PLXNA4: variants seen among roughly 807,000 people sequenced by gnomAD.
PLXNA4 encodes the protein plexin-A4.
A neutral mutation model predicts 191.8 loss-of-function variants in PLXNA4; 44 were observed. The ratio of observed to expected loss-of-function variants is 0.23; its 90% confidence interval spans 0.18 to 0.29. The LOEUF (loss-of-function observed/expected upper bound fraction) is 0.29, where lower values mean the gene tolerates loss of function less well. PLXNA4 is among the 10% of genes least tolerant of loss of function. The probability of loss-of-function intolerance (pLI) is 1.00; values close to 1 mark genes in which losing one functional copy is unlikely to be tolerated. For synonymous variants in PLXNA4, 1,082 were observed against 1,009.5 expected (o/e 1.07, Z -1.36); for missense variants, 1,800 against 2,488.8 (o/e 0.72, Z 5.89).
chr7:132,329,079 G>A (rs1449772863), intron 3 of PLXNA4, among the ~76,000 whole-genome samples: 3 of 152,224 alleles, frequency 2.0e-5, no homozygotes, highest in Non-Finnish European at 2.9e-5. Flanking sequence ...CCCTCTAAGG[G>A]TGGAGCTCAA....
chr7:132,260,482 A>C (rs1332861702), intron 4 of PLXNA4, among the ~76,000 whole-genome samples: 1 of 152,160 alleles, frequency 6.6e-6, no homozygotes, highest in African/African-American at 2.4e-5. Flanking sequence ...CATAAAGATA[A>C]AGACGGGAAC....
chr7:132,577,610 G>A (rs1250214784), upstream of PLXNA4, among the ~76,000 whole-genome samples: 1 of 152,070 alleles, frequency 6.6e-6, no homozygotes, highest in Non-Finnish European at 1.5e-5. Flanking sequence ...AACGTTTGCC[G>A]ACACCCCCCT....
At chr7:132,517,017 G>A (rs181922194) in intron 1 of PLXNA4, among the ~76,000 whole-genome samples, 3 of 152,248 alleles carry the variant, frequency 2.0e-5, no homozygotes, top group African/African-American at 2.4e-5. Context: ...TCTTCTAGAG[G>A]CCCCTCTAGC....
chr7:132,249,499 G>A (rs746566503), intron 4 of PLXNA4, among the ~76,000 whole-genome samples: 1 of 152,196 alleles, frequency 6.6e-6, no homozygotes, highest in Non-Finnish European at 1.5e-5. Context: ...TCTGCAGAGC[G>A]TCGAGAAATC....
At chr7:132,262,812 T>A (rs1033812847) in intron 4 of PLXNA4, among the ~76,000 whole-genome samples, 1 of 151,578 alleles carries the variant, frequency 6.6e-6, no homozygotes, top group Non-Finnish European at 1.5e-5. Context: ...GTCTAAGGGG[T>A]CAAAACATCA....
At chr7:132,554,179 A>G (rs1800689587) in intron 1 of PLXNA4, among the ~76,000 whole-genome samples, 1 of 152,226 alleles carries the variant, frequency 6.6e-6, no homozygotes, top group South Asian at 2.1e-4. Flanking sequence ...TATCTGAAAC[A>G]CAGGCTGTTC....
chr7:132,214,414 G>T (rs1797900290), intron 9 of PLXNA4, among the ~76,000 whole-genome samples: 1 of 152,126 alleles, frequency 6.6e-6, no homozygotes, highest in Non-Finnish European at 1.5e-5. Flanking sequence ...TAACTGGAGA[G>T]GCCCAGGGCT....
intron 13 of PLXNA4, among the ~76,000 whole-genome samples, chr7:132,197,097 C>T (rs567457909): frequency 6.6e-5 from 10 of 152,096 alleles, no homozygotes; most frequent in South Asian, 2.1e-4. Context: ...TTATAATTTC[C>T]TCTGTTGCTG....
intron 29 of PLXNA4, among the ~76,000 whole-genome samples, chr7:132,141,076 T>C (rs1483322589): frequency 6.6e-6 from 1 of 152,214 alleles, no homozygotes; most frequent in African/African-American, 2.4e-5. Context: ...GAGGACTTGA[T>C]ACCCAGCCTT....
At chr7:132,242,283 T>C (rs1798907554) in intron 4 of PLXNA4, among the ~76,000 whole-genome samples, 1 of 152,172 alleles carries the variant, frequency 6.6e-6, no homozygotes, top group Admixed American at 6.5e-5. Flanking sequence ...TTTCTTGCCA[T>C]CATACAACAG....
At chr7:132,587,619 G>A (rs1052285886) in intron 2 of PLXNA4, among the ~76,000 whole-genome samples, 2 of 152,114 alleles carry the variant, frequency 1.3e-5, no homozygotes, top group Admixed American at 1.3e-4. Flanking sequence ...AGGTGGAACC[G>A]GAATGCTTTG....
chr7:132,289,111 G>A (rs755022388), intron 4 of PLXNA4, among the ~76,000 whole-genome samples: 1 of 152,140 alleles, frequency 6.6e-6, no homozygotes, highest in South Asian at 2.1e-4. Context: ...AAACAATCAC[G>A]ATGCCTCCTC....
At chr7:132,592,968 C>G (rs914246643) in intron 2 of PLXNA4, among the ~76,000 whole-genome samples, 1 of 152,072 alleles carries the variant, frequency 6.6e-6, no homozygotes, top group African/African-American at 2.4e-5. Context: ...GTCCCCCACA[C>G]ACATATACAT....
chr7:132,278,647 T>C (rs1334918985), intron 4 of PLXNA4, among the ~76,000 whole-genome samples: 1 of 152,124 alleles, frequency 6.6e-6, no homozygotes, highest in Non-Finnish European at 1.5e-5. Context: ...AGCGGCTGCA[T>C]GGGGAGAATG....
chr7:132,339,093 C>T (rs890741323), intron 3 of PLXNA4, among the ~76,000 whole-genome samples: 8 of 152,200 alleles, frequency 5.3e-5, no homozygotes, highest in Non-Finnish European at 8.8e-5. Flanking sequence ...AAGGTCCCCA[C>T]AAGGTCTCTT....
At chr7:132,161,442 G>C (rs902194963) in intron 24 of PLXNA4, among the ~76,000 whole-genome samples, 1 of 152,236 alleles carries the variant, frequency 6.6e-6, no homozygotes, top group Non-Finnish European at 1.5e-5. Flanking sequence ...GCTAGTTTGT[G>C]GACAAGCTGC....
chr7:132,454,508 G>C (rs918162910), intron 3 of PLXNA4, among the ~76,000 whole-genome samples: 2 of 152,054 alleles, frequency 1.3e-5, no homozygotes, highest in African/African-American at 2.4e-5. Context: ...AAGTAGAGTA[G>C]GGCATAGAAA....
intron 3 of PLXNA4, among the ~76,000 whole-genome samples, chr7:132,479,551 A>T (rs542708824): frequency 1.3e-5 from 2 of 152,332 alleles, no homozygotes; most frequent in African/African-American, 4.8e-5. Context: ...TGAGCCCGGG[A>T]CCCCACAATG....
intron 3 of PLXNA4, among the ~76,000 whole-genome samples, chr7:132,340,578 G>A (rs1264440845): frequency 1.3e-5 from 2 of 152,328 alleles, no homozygotes; most frequent in African/African-American, 2.4e-5. Flanking sequence ...CAGAAAAGAG[G>A]GGCATAATGG....
Sources: allele counts gnomAD v4.1 joint callset (sites outside exome capture counted in the v4.1 genomes callset), GRCh38; gene constraint gnomAD v4.1.1; transcripts MANE v1.5; gene names NCBI Gene and HGNC (gene_info 2026-07-23, HGNC 2026-07-21).